Variants in HSPG2 observed in about 807,000 individuals in gnomAD.
HSPG2 encodes basement membrane-specific heparan sulfate proteoglycan core protein.
In HSPG2, 278 loss-of-function variants were observed where a neutral mutation model predicts 526.6. The ratio of observed to expected loss-of-function variants is 0.53; its 90% CI spans 0.48 to 0.58. The LOEUF (loss-of-function observed/expected upper bound fraction) is 0.58, where lower values mean the gene tolerates loss of function less well. Ranked by LOEUF, HSPG2 falls within the 20% of genes least tolerant of loss-of-function variation. HSPG2 has a pLI of 0.00. For synonymous variants in HSPG2, 2,465 were observed against 2,555.4 expected (o/e 0.96, Z 1.07); for missense variants, 5,354 against 6,099.5 (o/e 0.88, Z 4.07).
intron 29 of HSPG2, 69 bp from the exon 30 acceptor site, chr1:21,873,493 GC>G (rs1350886292): frequency 1.4e-6 from 2 of 1,448,662 alleles, no homozygotes; most frequent in African/African-American, 2.8e-5. Context: ...TGGGCTGAGG[GC>G]CCCATATTGA....
chr1:21,911,510 C>G (rs1485764465), intron 1 of HSPG2, among the ~76,000 whole-genome samples: 1 of 152,172 alleles, frequency 6.6e-6, no homozygotes, highest in Non-Finnish European at 1.5e-5. Flanking sequence ...CATCTTAGTC[C>G]TCATGCTGTC....
chr1:21,926,761 CAAAAAAAAAAAA>C (rs57835686), intron 1 of HSPG2, among the ~76,000 whole-genome samples: 11 of 55,878 alleles, frequency 2.0e-4, no homozygotes, highest in Admixed American at 1.1e-3. Context: ...GACTCAGTCT[CAAAAAAAAAAAA>C]AAAAAAAAAA....
At chr1:21,935,213 T>C (rs1369850209) in intron 1 of HSPG2, among the ~76,000 whole-genome samples, 1 of 151,516 alleles carries the variant, frequency 6.6e-6, no homozygotes, top group Admixed American at 6.6e-5. Flanking sequence ...CCTGAAAAAC[T>C]TTTTAAAAAG....
intron 1 of HSPG2, among the ~76,000 whole-genome samples, chr1:21,905,251 CCACACACACCCACA>C (rs1478449483): frequency 7.5e-6 from 1 of 133,964 alleles, no homozygotes; most frequent in African/African-American, 2.6e-5. Context: ...ACACACCCAC[CCACACACACCCACA>C]CACACACACA....
At position 21,846,520 on chromosome 1, in the gene HSPG2, G is replaced by A. The variant is rs377526585; in HGVS notation, c.8244C>T (p.Cys2748=). 3.0e-5 allele frequency: 48 copies of A among 1,613,768 alleles called. No homozygotes were observed. The highest frequency in any genetic ancestry group is 4.0e-5 in the African/African-American group (3 of 75,068). The change falls in exon 63 of 97, where the codon TGC becomes TGT. Residue 2748 remains cysteine, a synonymous_variant. Coordinates refer to ENST00000374695, the MANE Select transcript of HSPG2 (RefSeq NM_005529.7). ...VAEGETLDLN[C]VVPGQAHAQV... is the part of the protein sequence containing the mutation. Reference sequence around the variant, plus strand: ...GGGCATGGGCCTGCCCGGGGACCACGCAGTTCAGATCCAGGGTCTCCCCTT... The same window carrying A: ...GGGCATGGGCCTGCCCGGGGACCACACAGTTCAGATCCAGGGTCTCCCCTT...
chr1:21,917,147 A>G (rs1019647692), intron 1 of HSPG2, among the ~76,000 whole-genome samples: 1 of 152,198 alleles, frequency 6.6e-6, no homozygotes, highest in South Asian at 2.1e-4. Context: ...GAAAGGGCAG[A>G]ATGGCTGGGC....
At position 21,847,574 on chromosome 1, in the gene HSPG2, G is replaced by A; in HGVS notation, c.8026-82C>T. On this transcript the variant is annotated intron_variant, in intron 61 of 96. Transcript: ENST00000374695. This position sits in a 1 kb window ranked among gnomAD's most constrained non-coding sequence, Gnocchi z 4.1. Reference sequence around the variant, plus strand: ...CAGCTGGCTCAGGCCTTCCTGCTCAGCCTGTTGAGGCTGCTATCGGTCTAC... The same window carrying A: ...CAGCTGGCTCAGGCCTTCCTGCTCAACCTGTTGAGGCTGCTATCGGTCTAC... 1 of 1,604,992 alleles carries A rather than the reference G, an allele frequency of 6.2e-7. No homozygotes were observed. Among genetic ancestry groups the A allele is most frequent in the Non-Finnish European group, 8.5e-7 (1 of 1,173,094 alleles).
At position 21,865,371 on chromosome 1, in the gene HSPG2, A is replaced by C. The variant is rs1444029372; in HGVS notation, c.4315-6T>G. The C allele has an allele frequency of 6.2e-7, 1 of 1,613,966 alleles. No individual in the cohort carries two copies. Among genetic ancestry groups the C allele is most frequent in the South Asian group, 1.1e-5 (1 of 91,074 alleles). On this transcript the variant is annotated splice_region_variant and splice_polypyrimidine_tract_variant and intron_variant, in intron 34 of 96. Transcript: ENST00000374695. The surrounding 1 kb of genome is among the most constrained non-coding windows in gnomAD (Gnocchi z 5.4). Reference sequence around the variant, plus strand: ...ACTAGCATGATGTTGTTGCCCTGGAAAGACACCAGCAGGATTGGAAGGGGA... The same window carrying C: ...ACTAGCATGATGTTGTTGCCCTGGACAGACACCAGCAGGATTGGAAGGGGA...
Position 21,887,744 on chromosome 1 carries a change from T to TC in HSPG2, c.704-71dup. On this transcript the variant is annotated intron_variant, in intron 7 of 96. Transcript: ENST00000374695. The surrounding 1 kb of genome is among the most constrained non-coding windows in gnomAD (Gnocchi z 5.0). ...CTCACCTGCTCCTTGTCCCCAACCC[T>TC]CCCCAGGCCCACCCTGTACTCCCCA... 1 of 1,470,500 alleles carries TC rather than the reference T, an allele frequency of 6.8e-7. No homozygotes were observed. Among genetic ancestry groups the TC allele is most frequent in the Non-Finnish European group, 9.4e-7 (1 of 1,067,498 alleles). The allele number at this position is 1,470,500 out of a possible 1,614,324, so 91.1% of individuals were successfully genotyped here. A position where few individuals can be genotyped will look rare whatever the true frequency, so the allele number is the denominator to read the frequency against.
intron 74 of HSPG2, among the ~76,000 whole-genome samples, chr1:21,837,267 C>T (rs929958939): frequency 2.0e-5 from 3 of 152,136 alleles, no homozygotes; most frequent in African/African-American, 4.8e-5. Context: ...GGGCAGGCCA[C>T]GAAAAGAGTG....
In HSPG2 at chr1:21,827,915, A is replaced by G. The variant is rs1192616936; in HGVS notation, c.12537T>C (p.Ser4179=). The G allele has an allele frequency of 1.9e-6, 3 of 1,602,766 alleles. No homozygotes were observed. The highest frequency in any genetic ancestry group is 2.6e-6 in the Non-Finnish European group (3 of 1,175,102). ...AGTCGGACTCTGCTATGCCATGTCC[A>G]GAGCCTATGGAGAAGGGCAGGGTCC... ...GFSGPRCQQG[S]GHGIAESDWH... Residue 4179 remains serine, a synonymous_variant, in exon 91 of 97, where the codon TCT becomes TCC. Transcript: ENST00000374695.
At chr1:21,881,569 G>A in intron 13 of HSPG2, 67 bp from the exon 14 acceptor site, 7 of 1,366,154 alleles carry the variant, frequency 5.1e-6, no homozygotes, top group East Asian at 2.3e-5. Flanking sequence ...ATCTTGAGGG[G>A]CAGCAATCCA....
In HSPG2 at chr1:21,876,581, A is replaced by T; in HGVS notation, c.2757T>A (p.Asp919Glu). 3.7e-6 allele frequency: 6 copies of T among 1,614,232 alleles called. No individual in the cohort carries two copies. The highest frequency in any genetic ancestry group is 5.1e-6 in the Non-Finnish European group (6 of 1,180,034). Residue 919 changes from aspartate to glutamate, a missense_variant, in exon 22 of 97, where the codon GAT (aspartate) becomes GAA (glutamate). Asp to Glu is a conservative substitution (Grantham distance 45, BLOSUM62 2). Transcript: ENST00000374695. The stretch of plus-strand genomic sequence containing the variant: ...CCATGCAGAAGCACTTGAGGCAGCC[A>T]TCGGGGTTTCGGGTACTCAGGTGGA... ...GSFHLSTRNP[D>E]GCLKCFCMGV... is the part of the protein sequence containing the mutation.
intron 6 of HSPG2, chr1:21,889,725 G>T (rs967836881): frequency 7.4e-6 from 4 of 544,174 alleles, no homozygotes; most frequent in Non-Finnish European, 1.3e-5. Flanking sequence ...ATAAATAAAG[G>T]CCTGATTACC....
chr1:21,893,327 C>T lies in HSPG2; in HGVS notation c.244+2595G>A, dbSNP rs1473130628. On this transcript the variant is annotated intron_variant, in intron 3 of 96. Coordinates refer to ENST00000374695, the MANE Select transcript of HSPG2 (RefSeq NM_005529.7). This position sits in a 1 kb window ranked among gnomAD's most constrained non-coding sequence, Gnocchi z 4.3. The stretch of plus-strand genomic sequence containing the variant: ...TCAACACCCCATGGGGAAGAACGCC[C>T]GCCAGGGTTCCAGCCCACTGTGTTT... 2.0e-5 allele frequency among the ~76,000 whole-genome samples: 3 copies of T among 152,174 alleles called. No homozygotes were observed. Among genetic ancestry groups the T allele is most frequent in the African/African-American group, 7.2e-5 (3 of 41,444 alleles).
chr1:21,887,541 G>A lies in HSPG2; in HGVS notation c.837C>T (p.Ser279=), dbSNP rs753227786. Residue 279 remains serine, a synonymous_variant, in exon 8 of 97, where the codon TCC becomes TCT. Transcript: ENST00000374695. This position sits in a 1 kb window ranked among gnomAD's most constrained non-coding sequence, Gnocchi z 5.0. ...GGGGCCCACAGGGCAGGGGCCTGACGGAACCGGGAAGCAGGGGCTGAGGAG... is the reference window on the plus strand; with the variant it reads ...GGGGCCCACAGGGCAGGGGCCTGACAGAACCGGGAAGCAGGGGCTGAGGAG... ...THAPQPLLPG[S]VRPLPCGPQE... 12 of 1,614,002 alleles carry A rather than the reference G, an allele frequency of 7.4e-6. No homozygotes were observed. The highest frequency in any genetic ancestry group is 2.2e-5 in the East Asian group (1 of 44,898).
chr1:21,908,617 T>TA (rs375057444), intron 1 of HSPG2: 23,211 of 491,618 alleles, frequency 0.047, 19 homozygotes, highest in Non-Finnish European at 0.053. Context: ...TCTGGGCTGT[T>TA]AAAAAAAAAA....
rs1346933793 is a variant in HSPG2 at position 21,912,755 on chromosome 1, G to A, written c.64-16445C>T. ...AGCAATTTGGGAGGCCGAGGCAGGC[G>A]GATTACTTAAGATCAGGAGTTTGAT... On this transcript the variant is annotated intron_variant, in intron 1 of 96. Transcript: ENST00000374695. Among the ~76,000 whole-genome samples, 9 of 152,216 alleles carry A rather than the reference G, an allele frequency of 5.9e-5. 1 individual carries two copies. The East Asian group carries it at 9.6e-4, about 16-fold the overall frequency.
chr1:21,924,073 CAAG>C (rs1458286177), intron 1 of HSPG2, among the ~76,000 whole-genome samples: 1 of 152,168 alleles, frequency 6.6e-6, no homozygotes, highest in Non-Finnish European at 1.5e-5. Context: ...TGGGGCTACA[CAAG>C]AAGACAGGAC....
Sources: allele counts gnomAD v4.1 joint callset (sites outside exome capture counted in the v4.1 genomes callset), GRCh38; gene constraint gnomAD v4.1.1; non-coding constraint Gnocchi (gnomAD v3.1); transcripts MANE v1.5; gene names NCBI Gene and HGNC (gene_info 2026-07-23, HGNC 2026-07-21).